PLPP7: variants seen among roughly 807,000 people sequenced by gnomAD.
The protein encoded by PLPP7 is inactive phospholipid phosphatase 7.
A neutral mutation model predicts 16.9 loss-of-function variants in PLPP7; 11 were observed. That is an observed-to-expected ratio of 0.65 (90% confidence interval 0.41 to 1.08). PLPP7 has a LOEUF of 1.08. Ranked by LOEUF, PLPP7 falls within the 50% of genes least tolerant of loss-of-function variation. PLPP7 has a pLI of 0.00. For missense variants in PLPP7, 358 were observed against 397.1 expected (o/e 0.90, Z 0.84); for synonymous variants, 174 against 175.1 (o/e 0.99, Z 0.05).
At position 131,299,933 on chromosome 9, in the gene PLPP7, G is replaced by A. The variant is rs534613635; in HGVS notation, c.452-7990G>A. On this transcript the variant is annotated intron_variant, in intron 1 of 1. Coordinates refer to ENST00000372264, the MANE Select transcript of PLPP7 (RefSeq NM_032728.4). Reference sequence around the variant, plus strand: ...GTCCCCGCAGGGCCCAGGGAAGAAAGGGGGCAGATACCCCCCGTCATTATG... The same window carrying A: ...GTCCCCGCAGGGCCCAGGGAAGAAAAGGGGCAGATACCCCCCGTCATTATG... Among the ~76,000 whole-genome samples, 3 of 152,340 alleles carry A rather than the reference G, an allele frequency of 2.0e-5. No individual in the cohort carries two copies. The South Asian group carries it at 6.2e-4, about 32-fold the overall frequency.
intron 1 of PLPP7, among the ~76,000 whole-genome samples, chr9:131,304,541 A>C (rs1002545903): frequency 2.0e-5 from 3 of 152,222 alleles, no homozygotes; most frequent in Non-Finnish European, 4.4e-5. Context: ...AGGCTGAGGC[A>C]GGAGAATCAC....
intron 1 of PLPP7, among the ~76,000 whole-genome samples, chr9:131,291,646 C>A (rs1324632915): frequency 6.7e-6 from 1 of 150,268 alleles, no homozygotes; most frequent in Non-Finnish European, 1.5e-5. Context: ...CTCACTACAA[C>A]CTTCAGCTCA....
At position 131,289,907 on chromosome 9, in the gene PLPP7, C is replaced by T. The variant is rs987729742; in HGVS notation, c.-91C>T. 1.4e-5 allele frequency: 15 copies of T among 1,101,954 alleles called. No individual in the cohort carries two copies. In the South Asian group the frequency reaches 1.5e-4, roughly 11 times the overall value. 68.3% of individuals were successfully genotyped at this position (1,101,954 alleles called of 1,614,324 possible). On this transcript the variant is annotated 5_prime_UTR_variant, in exon 1 of 2. The change creates a new upstream start codon in the 5' untranslated region. Transcript: ENST00000372264. The stretch of plus-strand genomic sequence containing the variant: ...GGCGGAGAAGGCAGGGAGGCAGCCA[C>T]GGTGGCGGCTCTGGGGGCAGCTCTT...
At chr9:131,307,770 A>G (rs1835870011) in intron 1 of PLPP7, among the ~76,000 whole-genome samples, 153 bp from the exon 2 acceptor site, 1 of 152,090 alleles carries the variant, frequency 6.6e-6, no homozygotes, top group African/African-American at 2.4e-5. Flanking sequence ...AGCAAAGGCA[A>G]CAGCCTGAGA....
rs767955912 is a variant in PLPP7, at chr9:131,290,513, C to A, written c.451+65C>A. 8.7e-5 allele frequency: 123 copies of A among 1,418,196 alleles called. No homozygotes were observed. Among genetic ancestry groups the A allele is most frequent in the Non-Finnish European group, 1.1e-4 (119 of 1,072,916 alleles). The allele number at this position is 1,418,196 out of a possible 1,614,324, so 87.9% of individuals were successfully genotyped here. A position where few individuals can be genotyped will look rare whatever the true frequency, so the allele number is the denominator to read the frequency against. ...TCGGGAGGCAGCCTGGCCTGCCCAA[C>A]CCCACCCTGGCCGGGACCTGCACAG... On this transcript the variant is annotated intron_variant, in intron 1 of 1. Coordinates refer to ENST00000372264, the MANE Select transcript of PLPP7 (RefSeq NM_032728.4). The surrounding 1 kb of genome is among the most constrained non-coding windows in gnomAD (Gnocchi z 4.2).
At chr9:131,305,637 G>A (rs1835844752) in intron 1 of PLPP7, among the ~76,000 whole-genome samples, 1 of 152,018 alleles carries the variant, frequency 6.6e-6, no homozygotes, top group Non-Finnish European at 1.5e-5. Flanking sequence ...GGGATGAGAG[G>A]CGTGCACCAC....
intron 1 of PLPP7, among the ~76,000 whole-genome samples, chr9:131,294,651 TTTTGTTTG>T (rs201869319): frequency 0.013 from 1,987 of 151,968 alleles, 34 homozygotes; most frequent in African/African-American, 0.043. Flanking sequence ...GAAAGTATCT[TTTTGTTTG>T]TTTGTTTGTT....
Position 131,308,573 on chromosome 9 carries a change from C to G in PLPP7, c.*286C>G, listed in dbSNP as rs956610629. The G allele has an allele frequency of 1.3e-5, 6 of 450,106 alleles. No individual in the cohort carries two copies. The highest frequency in any genetic ancestry group is 2.0e-5 in the African/African-American group (1 of 50,542). 27.9% of individuals were successfully genotyped at this position (450,106 alleles called of 1,614,324 possible). A position where few individuals can be genotyped will look rare whatever the true frequency, so the allele number is the denominator to read the frequency against. On this transcript the variant is annotated 3_prime_UTR_variant, in exon 2 of 2. Coordinates refer to ENST00000372264, the MANE Select transcript of PLPP7 (RefSeq NM_032728.4). ...GGGACAGCCCTATTTAGCTTCTGCT[C>G]TGGGAACAGCAAAAATCAGGATGGT...
chr9:131,292,218 CTG>C (rs1398694677), intron 1 of PLPP7, among the ~76,000 whole-genome samples: 1 of 152,188 alleles, frequency 6.6e-6, no homozygotes. Flanking sequence ...CTCAAGAAGA[CTG>C]TTGGGATTTA....
At chr9:131,298,741 T>G (rs1477749164) in intron 1 of PLPP7, among the ~76,000 whole-genome samples, 1 of 152,246 alleles carries the variant, frequency 6.6e-6, no homozygotes, top group African/African-American at 2.4e-5. Flanking sequence ...AAGAAAGCCC[T>G]GGCTCCTGCC....
At chr9:131,301,076 G>A (rs1042328146) in intron 1 of PLPP7, among the ~76,000 whole-genome samples, 3 of 152,112 alleles carry the variant, frequency 2.0e-5, no homozygotes, top group Non-Finnish European at 2.9e-5. Flanking sequence ...TCAAGCGATT[G>A]TCCTGCCTCA....
At chr9:131,304,681 G>A (rs756320737) in intron 1 of PLPP7, among the ~76,000 whole-genome samples, 3 of 152,164 alleles carry the variant, frequency 2.0e-5, no homozygotes, top group Non-Finnish European at 4.4e-5. Context: ...CACCTCGCTG[G>A]TTATGAGCCT....
At chr9:131,305,207 G>A (rs571567538) in intron 1 of PLPP7, among the ~76,000 whole-genome samples, 71 of 152,302 alleles carry the variant, frequency 4.7e-4, no homozygotes, top group Non-Finnish European at 7.9e-4. Flanking sequence ...CATGAGTCAC[G>A]GCAGCCGAAA....
rs763743886 is a variant in PLPP7 at position 131,308,059 on chromosome 9, C to T, written c.588C>T (p.Arg196=). 8.7e-6 allele frequency: 14 copies of T among 1,601,132 alleles called. No homozygotes were observed. The highest frequency in any genetic ancestry group is 1.3e-5 in the African/African-American group (1 of 74,942). The change falls in exon 2 of 2, where the codon CGC becomes CGT. Residue 196 remains arginine, a synonymous_variant. Transcript: ENST00000372264. ...CCTTCCCGGCCGGGCACGCCAGCCGCGCCGCCATGGTGTCCAAGTTCTTCC... is the reference window on the plus strand; with the variant it reads ...CCTTCCCGGCCGGGCACGCCAGCCGTGCCGCCATGGTGTCCAAGTTCTTCC... ...IYAFPAGHAS[R]AAMVSKFFLS...
At position 131,289,970 on chromosome 9, in the gene PLPP7, C is replaced by T. The variant is rs536685030; in HGVS notation, c.-28C>T. On this transcript the variant is annotated 5_prime_UTR_variant, in exon 1 of 2. Coordinates refer to ENST00000372264, the MANE Select transcript of PLPP7 (RefSeq NM_032728.4). Reference sequence around the variant, plus strand: ...AAGGCCCTTGGAGCCGGGCTGGCATCGGCCTTCTCGGGGTGAGCGAGGTCA... The same window carrying T: ...AAGGCCCTTGGAGCCGGGCTGGCATTGGCCTTCTCGGGGTGAGCGAGGTCA... 10 of 1,402,234 alleles carry T rather than the reference C, an allele frequency of 7.1e-6. No homozygotes were observed. Among genetic ancestry groups the T allele is most frequent in the East Asian group, 5.4e-5 (2 of 36,994 alleles). 86.9% of individuals were successfully genotyped at this position (1,402,234 alleles called of 1,614,324 possible).
Position 131,295,571 on chromosome 9 carries a change from G to A in PLPP7, c.451+5123G>A, listed in dbSNP as rs1383110423. 6.6e-6 allele frequency among the ~76,000 whole-genome samples: 1 copy of A among 152,112 alleles called. No homozygotes were observed. The highest frequency in any genetic ancestry group is 6.6e-5 in the Admixed American group (1 of 15,248). On this transcript the variant is annotated intron_variant, in intron 1 of 1. Coordinates refer to ENST00000372264, the MANE Select transcript of PLPP7 (RefSeq NM_032728.4). This position sits in a 1 kb window ranked among gnomAD's most constrained non-coding sequence, Gnocchi z 4.0. ...GCATTGAGTCCATTCACACTGTTGT[G>A]CAGCCATCACCACCATCCATCTCCA...
At chr9:131,291,951 C>G (rs184556481) in intron 1 of PLPP7, among the ~76,000 whole-genome samples, 258 of 152,352 alleles carry the variant, frequency 1.7e-3, no homozygotes, top group Non-Finnish European at 3.2e-3. Flanking sequence ...AATAAACAGT[C>G]TCACGAGGTT....
Position 131,307,584 on chromosome 9 carries a change from AC to A in PLPP7, c.452-336del, listed in dbSNP as rs1564249628. Among the ~76,000 whole-genome samples, 661 of 141,412 alleles carry A rather than the reference AC, an allele frequency of 4.7e-3. 3 individuals are homozygous for A. The highest frequency in any genetic ancestry group is 7.1e-3 in the Non-Finnish European group (457 of 64,592). The allele number at this position is 141,412 out of a possible 152,430, so 92.8% of individuals were successfully genotyped here. On this transcript the variant is annotated intron_variant, in intron 1 of 1. Coordinates refer to ENST00000372264, the MANE Select transcript of PLPP7 (RefSeq NM_032728.4). ...AAAAAAAAAAAAAAAAAAAAAAAAA[AC>A]CCAAAGAAATAAAATGCGTATTATG...
Position 131,290,019 on chromosome 9 carries a change from G to A in PLPP7, c.22G>A (p.Ala8Thr). 1 of 1,432,240 alleles carries A rather than the reference G, an allele frequency of 7.0e-7. No individual in the cohort carries two copies. Among genetic ancestry groups the A allele is most frequent in the Non-Finnish European group, 9.1e-7 (1 of 1,096,704 alleles). The allele number at this position is 1,432,240 out of a possible 1,614,324, so 88.7% of individuals were successfully genotyped here. Residue 8 changes from alanine to threonine, a missense_variant, in exon 1 of 2, where the codon GCC becomes ACC. Ala to Thr is a moderately conservative substitution (Grantham distance 58, BLOSUM62 0). Coordinates refer to ENST00000372264, the MANE Select transcript of PLPP7 (RefSeq NM_032728.4). The surrounding 1 kb of genome is among the most constrained non-coding windows in gnomAD (Gnocchi z 4.2). MPASQSR[A>T]RARDRNNVLN... ...CACCATGCCAGCTTCCCAGAGCCGGGCCCGTGCCCGGGACCGCAACAACGT... is the reference window on the plus strand; with the variant it reads ...CACCATGCCAGCTTCCCAGAGCCGGACCCGTGCCCGGGACCGCAACAACGT...
Sources: allele counts gnomAD v4.1 joint callset (sites outside exome capture counted in the v4.1 genomes callset), GRCh38; gene constraint gnomAD v4.1.1; non-coding constraint Gnocchi (gnomAD v3.1); transcripts MANE v1.5; gene names NCBI Gene and HGNC (gene_info 2026-07-23, HGNC 2026-07-21).